Variants in CHSY3 observed in about 807,000 individuals in gnomAD.
CHSY3 encodes chondroitin sulfate synthase 3, also known as N-acetylgalactosaminyl-proteoglycan 3-beta-glucuronosyltransferase 3.
CHSY3 carries 35 observed loss-of-function variants against 67.2 expected under a neutral mutation model. The observed-to-expected ratio is 0.52, with a 90% CI of 0.40 to 0.69. CHSY3 has a LOEUF of 0.69. CHSY3 is among the 30% of genes least tolerant of loss of function. The probability of loss-of-function intolerance (pLI) is 0.00; values close to 1 mark genes in which losing one functional copy is unlikely to be tolerated. For missense variants in CHSY3, 1,069 were observed against 1,138.5 expected (o/e 0.94, Z 0.88); for synonymous variants, 474 against 434.7 (o/e 1.09, Z -1.12).
chr5:130,177,898 T>C (rs370287163), intron 2 of CHSY3, among the ~76,000 whole-genome samples: 168 of 152,168 alleles, frequency 1.1e-3, no homozygotes, highest in African/African-American at 3.9e-3. Flanking sequence ...ATATTGGATC[T>C]CCTGAACTGT....
chr5:130,033,728 G>A (rs1764769656), intron 2 of CHSY3, among the ~76,000 whole-genome samples: 1 of 151,932 alleles, frequency 6.6e-6, no homozygotes, highest in East Asian at 1.9e-4. Context: ...CCAAACATGG[G>A]GTAGACTTTT....
intron 2 of CHSY3, among the ~76,000 whole-genome samples, chr5:130,177,641 C>G (rs966750620): frequency 2.0e-5 from 3 of 152,014 alleles, no homozygotes; most frequent in Non-Finnish European, 1.5e-5. Context: ...CTTTTTGAGC[C>G]TTTTATCACT....
chr5:129,950,876 A>T (rs1358514343), intron 2 of CHSY3, among the ~76,000 whole-genome samples: 1 of 152,206 alleles, frequency 6.6e-6, no homozygotes, highest in Non-Finnish European at 1.5e-5. Flanking sequence ...TTCCAATAGC[A>T]TTTTTCACAT....
chr5:130,122,183 A>G (rs557579624), intron 2 of CHSY3, among the ~76,000 whole-genome samples: 16 of 152,328 alleles, frequency 1.1e-4, no homozygotes, highest in Non-Finnish European at 2.9e-5. Context: ...ACATACATAC[A>G]TGCATACATG....
intron 2 of CHSY3, among the ~76,000 whole-genome samples, chr5:130,172,285 A>C (rs945433477): frequency 6.6e-6 from 1 of 150,828 alleles, no homozygotes; most frequent in East Asian, 2.0e-4. Flanking sequence ...GAAAAAGAAT[A>C]GTTTATTATT....
intron 2 of CHSY3, among the ~76,000 whole-genome samples, chr5:130,029,261 A>T (rs1159876961): frequency 2.6e-5 from 4 of 152,138 alleles, no homozygotes; most frequent in Non-Finnish European, 5.9e-5. Flanking sequence ...AGCTTATTAG[A>T]TTAATTATTA....
intron 2 of CHSY3, chr5:130,141,641 C>T (rs1435157490): frequency 7.7e-6 from 4 of 518,960 alleles, no homozygotes; most frequent in African/African-American, 2.0e-5. Flanking sequence ...TCCAAGAATT[C>T]AGTTGAAAGC....
intron 2 of CHSY3, among the ~76,000 whole-genome samples, chr5:130,082,791 G>A (rs1207704882): frequency 1.3e-5 from 2 of 151,794 alleles, no homozygotes; most frequent in Admixed American, 6.6e-5. Context: ...GAAATGGAGT[G>A]TATCTAATTA....
chr5:130,041,933 A>G (rs1765016269), intron 2 of CHSY3, among the ~76,000 whole-genome samples: 1 of 152,070 alleles, frequency 6.6e-6, no homozygotes, highest in African/African-American at 2.4e-5. Context: ...ACATAATTTT[A>G]AGGAAGTTTG....
chr5:129,991,672 C>T (rs1763371143), intron 2 of CHSY3, among the ~76,000 whole-genome samples: 1 of 151,930 alleles, frequency 6.6e-6, no homozygotes, highest in Non-Finnish European at 1.5e-5. Flanking sequence ...TGGCAAGCAG[C>T]CATGGGTAGT....
chr5:130,007,828 A>G (rs1763919708), intron 2 of CHSY3, among the ~76,000 whole-genome samples: 4 of 152,086 alleles, frequency 2.6e-5, no homozygotes, highest in African/African-American at 7.2e-5. Context: ...GGATTGGGCC[A>G]ATCTAATCTG....
Position 129,908,285 on chromosome 5 carries a change from C to T in CHSY3, c.1011C>T (p.Tyr337=), listed in dbSNP as rs758224259. Residue 337 remains tyrosine, a synonymous_variant, in exon 2 of 3, where the codon TAC becomes TAT. Coordinates refer to ENST00000305031, the MANE Select transcript of CHSY3 (RefSeq NM_175856.5). ...TTGGTGAATGCCTTAGAGAAATGTACACGACTCATGAGGATGTGGAAGTAG... is the reference window on the plus strand; with the variant it reads ...TTGGTGAATGCCTTAGAGAAATGTATACGACTCATGAGGATGTGGAAGTAG... The part of the protein sequence containing the change: ...PHIGECLREM[Y]TTHEDVEVGR... 86 of 1,613,966 alleles carry T rather than the reference C, an allele frequency of 5.3e-5. No individual in the cohort carries two copies. Among genetic ancestry groups the T allele is most frequent in the Non-Finnish European group, 7.0e-5 (83 of 1,180,004 alleles).
At chr5:130,119,450 G>A (rs367586181) in intron 2 of CHSY3, among the ~76,000 whole-genome samples, 15 of 152,206 alleles carry the variant, frequency 9.9e-5, no homozygotes, top group South Asian at 4.1e-4. Context: ...GATTCATTAC[G>A]CGTGTATTTA....
At chr5:130,137,928 G>A (rs183493083) in intron 2 of CHSY3, among the ~76,000 whole-genome samples, 60 of 152,224 alleles carry the variant, frequency 3.9e-4, no homozygotes, top group Non-Finnish European at 6.0e-4. Context: ...CCAGCTGGAA[G>A]TCTGTTTTTG....
At chr5:130,131,990 C>CA (rs1301308371) in intron 2 of CHSY3, among the ~76,000 whole-genome samples, 2 of 152,158 alleles carry the variant, frequency 1.3e-5, no homozygotes, top group African/African-American at 4.8e-5. Flanking sequence ...TGCCTCCCTC[C>CA]ACCCAAAGGC....
At chr5:130,042,930 A>G (rs1416439313) in intron 2 of CHSY3, among the ~76,000 whole-genome samples, 1 of 152,128 alleles carries the variant, frequency 6.6e-6, no homozygotes. Context: ...ATAATAACTC[A>G]CAGAATTCTA....
intron 2 of CHSY3, among the ~76,000 whole-genome samples, chr5:129,998,521 G>A (rs1489424930): frequency 7.9e-5 from 12 of 152,022 alleles, no homozygotes; most frequent in Admixed American, 7.9e-4. Flanking sequence ...GTTGGATAAA[G>A]GGTTTATGCT....
chr5:129,959,056 A>G (rs1762257115), intron 2 of CHSY3, among the ~76,000 whole-genome samples: 1 of 152,118 alleles, frequency 6.6e-6, no homozygotes, highest in Non-Finnish European at 1.5e-5. Context: ...GCCCTTCTGA[A>G]TCCCAAGTGA....
intron 2 of CHSY3, among the ~76,000 whole-genome samples, chr5:130,182,974 T>C (rs1770295183): frequency 2.0e-5 from 3 of 152,066 alleles, no homozygotes. Context: ...AGGCTGTTTT[T>C]TTAAATTTAT....
Sources: allele counts gnomAD v4.1 joint callset (sites outside exome capture counted in the v4.1 genomes callset), GRCh38; gene constraint gnomAD v4.1.1; transcripts MANE v1.5; gene names NCBI Gene and HGNC (gene_info 2026-07-23, HGNC 2026-07-21).